The following GRIK4 variants were observed in gnomAD, a reference collection of about 807,000 sequenced individuals.
GRIK4 encodes the protein glutamate ionotropic receptor kainate type subunit 4.
GRIK4 carries 40 observed loss-of-function variants against 104.9 expected under a neutral mutation model. The observed-to-expected ratio is 0.38, with a 90% CI of 0.30 to 0.50. The LOEUF is 0.50. GRIK4 is among the 20% of genes least tolerant of loss of function. The pLI is 0.93. For synonymous variants in GRIK4, 485 were observed against 524.9 expected, an observed-to-expected ratio of 0.92 and a Z score of 1.04; for missense variants, 1,047 against 1,308.1, an observed-to-expected ratio of 0.80 and a Z score of 3.08.
intron 13 of GRIK4, among the ~76,000 whole-genome samples, chr11:120,906,199 C>G (rs189249984): frequency 2.0e-5 from 3 of 152,296 alleles, no homozygotes; most frequent in Non-Finnish European, 2.9e-5. Flanking sequence ...CTATTAACAA[C>G]TGTAAAAATT....
At chr11:120,678,487 T>C (rs1364380848) in intron 3 of GRIK4, among the ~76,000 whole-genome samples, 1 of 152,222 alleles carries the variant, frequency 6.6e-6, no homozygotes, top group African/African-American at 2.4e-5. Context: ...ACATTTATTA[T>C]TATTGCTATT....
At chr11:120,743,788 TAAAC>T (rs1215187146) in intron 3 of GRIK4, among the ~76,000 whole-genome samples, 5 of 152,254 alleles carry the variant, frequency 3.3e-5, no homozygotes, top group African/African-American at 1.2e-4. Flanking sequence ...TTTGTTACCT[TAAAC>T]AAGTCAGCTA....
At chr11:120,710,999 G>GGGC (rs1565308783) in intron 3 of GRIK4, among the ~76,000 whole-genome samples, 1 of 149,906 alleles carries the variant, frequency 6.7e-6, no homozygotes, top group South Asian at 2.2e-4. Context: ...CTGTGAGGTG[G>GGGC]GGAGGGGGTG....
At chr11:120,801,419 G>T (rs1289123926) in intron 3 of GRIK4, among the ~76,000 whole-genome samples, 3 of 152,112 alleles carry the variant, frequency 2.0e-5, no homozygotes, top group Non-Finnish European at 2.9e-5. Context: ...TAGAGACAGG[G>T]TTTCACCATA....
At chr11:120,799,764 CA>C in intron 3 of GRIK4, among the ~76,000 whole-genome samples, 1 of 152,308 alleles carries the variant, frequency 6.6e-6, no homozygotes, top group Middle Eastern at 3.4e-3. Context: ...AGTGTCTGTC[CA>C]ACTCATGCTG....
At chr11:120,946,385 G>C (rs940392832) in intron 14 of GRIK4, among the ~76,000 whole-genome samples, 1 of 152,304 alleles carries the variant, frequency 6.6e-6, no homozygotes, top group Middle Eastern at 3.4e-3. Flanking sequence ...TTGTTGCTGG[G>C]TGCAGTGGCG....
rs1484762423 is a variant in GRIK4 at position 120,956,287 on chromosome 11, T to C, written c.1701-493T>C. Among the ~76,000 whole-genome samples the C allele has an allele frequency of 1.3e-5, 2 of 151,814 alleles. No homozygotes were observed. Among genetic ancestry groups the C allele is most frequent in the East Asian group, 1.9e-4 (1 of 5,160 alleles). ...TGGGATCTTGGCTCACTGCAGCCTT[T>C]ACCTCCCGGACTCAAGTGATTCTCC... On this transcript the variant is annotated intron_variant, in intron 15 of 20. Coordinates refer to ENST00000527524, the MANE Select transcript of GRIK4 (RefSeq NM_014619.5). This position sits in a 1 kb window ranked among gnomAD's most constrained non-coding sequence, Gnocchi z 4.6.
rs182716093 is a variant in GRIK4, at chr11:120,947,543, A to G, written c.1591-5312A>G. ...AGGAAAATGGAGAACAATGCTAAGT[A>G]AACCAGTGAATCATTTCTAATACTG... is the stretch of plus-strand genomic sequence containing the variant. On this transcript the variant is annotated intron_variant, in intron 14 of 20. Coordinates refer to ENST00000527524, the MANE Select transcript of GRIK4 (RefSeq NM_014619.5). Among the ~76,000 whole-genome samples the G allele has an allele frequency of 3.9e-5, 6 of 152,370 alleles. No individual in the cohort carries two copies. In the East Asian group the frequency reaches 1.2e-3, roughly 29 times the overall value.
At chr11:120,885,218 G>A (rs1393243832) in intron 11 of GRIK4, among the ~76,000 whole-genome samples, 2 of 152,206 alleles carry the variant, frequency 1.3e-5, no homozygotes, top group African/African-American at 4.8e-5. Flanking sequence ...TGAGAGAGGG[G>A]TATGCAGATG....
intron 3 of GRIK4, among the ~76,000 whole-genome samples, chr11:120,748,828 G>A (rs1245731173): frequency 6.6e-6 from 1 of 152,152 alleles, no homozygotes; most frequent in East Asian, 1.9e-4. Context: ...TGAAGGAGAG[G>A]CTAGGCAAGC....
intron 1 of GRIK4, among the ~76,000 whole-genome samples, chr11:120,627,753 A>G (rs933972313): frequency 6.6e-6 from 1 of 151,820 alleles, no homozygotes; most frequent in Non-Finnish European, 1.5e-5. Context: ...TCTTGTGTGG[A>G]GTGCCTGAGC....
intron 3 of GRIK4, among the ~76,000 whole-genome samples, chr11:120,736,324 T>C (rs1207973030): frequency 6.6e-6 from 1 of 152,128 alleles, no homozygotes; most frequent in Non-Finnish European, 1.5e-5. Flanking sequence ...CAAAGTTGTC[T>C]TTACTCTTCT....
At chr11:120,837,548 C>A (rs969879328) in intron 8 of GRIK4, among the ~76,000 whole-genome samples, 1 of 152,158 alleles carries the variant, frequency 6.6e-6, no homozygotes, top group Non-Finnish European at 1.5e-5. Flanking sequence ...ATATTATATG[C>A]GCGTAGCTTA....
At chr11:120,588,728 G>A (rs575660315) in intron 1 of GRIK4, among the ~76,000 whole-genome samples, 10 of 152,238 alleles carry the variant, frequency 6.6e-5, no homozygotes, top group African/African-American at 2.4e-4. Context: ...TGTTGTGGGG[G>A]TGCTCTCCTG....
At chr11:120,609,792 G>A (rs1306019256) in intron 1 of GRIK4, among the ~76,000 whole-genome samples, 1 of 152,102 alleles carries the variant, frequency 6.6e-6, no homozygotes, top group African/African-American at 2.4e-5. Context: ...GGGATTACAG[G>A]CATGAGCCAT....
chr11:120,700,392 G>A (rs1030705081), intron 3 of GRIK4, among the ~76,000 whole-genome samples: 1 of 151,144 alleles, frequency 6.6e-6, no homozygotes, highest in Admixed American at 6.6e-5. Flanking sequence ...TCCTGCCTCA[G>A]CCTCCTGAGT....
chr11:120,825,588 A>G (rs4573685), intron 6 of GRIK4, among the ~76,000 whole-genome samples: 133,912 of 152,232 alleles, frequency 0.88, 59,152 homozygotes, highest in African/African-American at 0.97. Context: ...CCAGGCTACT[A>G]GAGAGGAGCA....
intron 4 of GRIK4, among the ~76,000 whole-genome samples, chr11:120,808,420 C>T (rs1037888772): frequency 6.6e-6 from 1 of 152,198 alleles, no homozygotes; most frequent in African/African-American, 2.4e-5. Context: ...ATTCAGGTGG[C>T]ACATGTGCCT....
chr11:120,865,873 G>T (rs369611256), intron 9 of GRIK4, among the ~76,000 whole-genome samples: 1 of 152,054 alleles, frequency 6.6e-6, no homozygotes, highest in Admixed American at 6.6e-5. Context: ...GCATGGTGCC[G>T]GTATCTGTTT....
Sources: gnomAD v4.1 joint callset for allele counts (sites outside exome capture counted in the v4.1 genomes callset) on GRCh38, gnomAD v4.1.1 for gene constraint, Gnocchi (gnomAD v3.1) non-coding constraint, MANE v1.5 for transcripts, NCBI Gene and HGNC (gene_info 2026-07-23, HGNC 2026-07-21) for gene names.